Variants in PEX5L observed in about 807,000 individuals in gnomAD.
PEX5L encodes PEX5-related protein.
PEX5L carries 30 observed loss-of-function variants against 84.0 expected under a neutral mutation model. The observed-to-expected ratio is 0.36, with a 90% CI of 0.27 to 0.48. The LOEUF (loss-of-function observed/expected upper bound fraction) is 0.48, where lower values mean the gene tolerates loss of function less well. PEX5L is among the 20% of genes least tolerant of loss of function. The pLI is 0.99. For synonymous variants in PEX5L, 270 were observed against 283.1 expected (o/e 0.95, Z 0.46); for missense variants, 533 against 754.6 (o/e 0.71, Z 3.44).
At chr3:179,938,073 A>T (rs567307033) in intron 2 of PEX5L, among the ~76,000 whole-genome samples, 1 of 152,146 alleles carries the variant, frequency 6.6e-6, no homozygotes, top group African/African-American at 2.4e-5. Flanking sequence ...CCATACAATT[A>T]TGGAACCAGA....
rs542760798 is a variant in PEX5L, at chr3:179,813,752, C to T, written c.1084-1881G>A. On this transcript the variant is annotated intron_variant, in intron 10 of 14. Coordinates refer to ENST00000467460, the MANE Select transcript of PEX5L (RefSeq NM_016559.3). Reference sequence around the variant, plus strand: ...ATTGCAGTGGCGCAATCTCGGCTCACTGCAAGCTCCGCCTCCCGGGTTCAC... The same window carrying T: ...ATTGCAGTGGCGCAATCTCGGCTCATTGCAAGCTCCGCCTCCCGGGTTCAC... Among the ~76,000 whole-genome samples the T allele has an allele frequency of 2.8e-4, 42 of 150,668 alleles. 1 individual carries two copies. In the East Asian group the frequency reaches 8.3e-3, roughly 30 times the overall value.
intron 14 of PEX5L, among the ~76,000 whole-genome samples, chr3:179,803,462 GC>G (rs1371067639): frequency 1.3e-5 from 2 of 152,150 alleles, no homozygotes; most frequent in African/African-American, 4.8e-5. Flanking sequence ...TCTGAGACAA[GC>G]CGAGTTAGAT....
chr3:179,990,557 C>T (rs1465090027), intron 1 of PEX5L, among the ~76,000 whole-genome samples: 2 of 152,112 alleles, frequency 1.3e-5, no homozygotes, highest in South Asian at 2.1e-4. Context: ...CAGCACCACA[C>T]CAAACTATTT....
chr3:180,026,999 G>A (rs1411992827), intron 1 of PEX5L, among the ~76,000 whole-genome samples: 1 of 152,154 alleles, frequency 6.6e-6, no homozygotes, highest in Admixed American at 6.5e-5. Context: ...CCACCAATCA[G>A]CCGTATCTGC....
intron 1 of PEX5L, among the ~76,000 whole-genome samples, chr3:179,989,415 G>A (rs1312773581): frequency 6.6e-6 from 1 of 152,096 alleles, no homozygotes; most frequent in Non-Finnish European, 1.5e-5. Flanking sequence ...CATGACATAT[G>A]TGATAGATAT....
chr3:179,834,433 T>C (rs1290634529), intron 8 of PEX5L, among the ~76,000 whole-genome samples: 3 of 152,138 alleles, frequency 2.0e-5, no homozygotes, highest in East Asian at 1.9e-4. Flanking sequence ...GTGGTAAACA[T>C]CCATCAAGCC....
intron 2 of PEX5L, among the ~76,000 whole-genome samples, chr3:179,964,818 C>T (rs1005442131): frequency 6.6e-6 from 1 of 152,180 alleles, no homozygotes; most frequent in African/African-American, 2.4e-5. Flanking sequence ...CACCTCAGTA[C>T]CTGCCATTTA....
intron 8 of PEX5L, among the ~76,000 whole-genome samples, chr3:179,851,691 C>T (rs1014841548): frequency 1.3e-5 from 2 of 152,158 alleles, no homozygotes; most frequent in Non-Finnish European, 2.9e-5. Context: ...GGTTAGAAAG[C>T]TGCTTTCAAT....
chr3:179,919,863 C>T (rs2109372591), intron 2 of PEX5L, among the ~76,000 whole-genome samples: 1 of 152,136 alleles, frequency 6.6e-6, no homozygotes, highest in South Asian at 2.1e-4. Context: ...CCACCATGCT[C>T]AGCTAATTTT....
intron 2 of PEX5L, among the ~76,000 whole-genome samples, chr3:179,918,742 C>T (rs191412989): frequency 1.3e-5 from 2 of 152,272 alleles, no homozygotes; most frequent in Middle Eastern, 3.4e-3. Flanking sequence ...ATTTCTTCTT[C>T]TTTCTTCTTT....
At chr3:180,014,105 T>C (rs1159473462) in intron 1 of PEX5L, among the ~76,000 whole-genome samples, 2 of 152,212 alleles carry the variant, frequency 1.3e-5, no homozygotes, top group Non-Finnish European at 2.9e-5. Context: ...TGAAAATTAA[T>C]GAAATGTGTT....
chr3:179,799,771 C>T lies in PEX5L; in HGVS notation c.*2057G>A, dbSNP rs1453681184. ...AGCAGGCCCTGCCATGGCTTGGAGG[C>T]TGGCCCCAAGAGTCCTTACCAGACT... On this transcript the variant is annotated 3_prime_UTR_variant, in exon 15 of 15. Transcript: ENST00000467460. The T allele has an allele frequency of 6.6e-6, 1 of 152,220 alleles. No individual in the cohort carries two copies. Among genetic ancestry groups the T allele is most frequent in the Non-Finnish European group, 1.5e-5 (1 of 68,070 alleles). 9.4% of individuals were successfully genotyped at this position (152,220 alleles called of 1,614,324 possible). A position where few individuals can be genotyped will look rare whatever the true frequency, so the allele number is the denominator to read the frequency against.
chr3:180,002,355 G>A (rs1788502411), intron 1 of PEX5L, among the ~76,000 whole-genome samples: 1 of 152,072 alleles, frequency 6.6e-6, no homozygotes, highest in South Asian at 2.1e-4. Flanking sequence ...GCCTTTCTTA[G>A]TTATGCCTTT....
At chr3:179,813,534 T>C (rs547345237) in intron 10 of PEX5L, among the ~76,000 whole-genome samples, 25 of 152,232 alleles carry the variant, frequency 1.6e-4, no homozygotes, top group Non-Finnish European at 2.9e-4. Flanking sequence ...GGTCTTGCTC[T>C]GTCACTGAGG....
intron 1 of PEX5L, among the ~76,000 whole-genome samples, chr3:180,024,593 G>A (rs1790770299): frequency 6.6e-6 from 1 of 151,034 alleles, no homozygotes; most frequent in Non-Finnish European, 1.5e-5. Context: ...TCAGATAGGT[G>A]CACAAAATAG....
At chr3:179,886,645 G>A (rs575957954) in intron 4 of PEX5L, among the ~76,000 whole-genome samples, 6 of 152,242 alleles carry the variant, frequency 3.9e-5, no homozygotes, top group African/African-American at 1.4e-4. Flanking sequence ...TGGAATTCAT[G>A]GAGTTTGAAC....
intron 7 of PEX5L, among the ~76,000 whole-genome samples, chr3:179,864,360 G>A (rs1009751319): frequency 2.6e-5 from 4 of 152,060 alleles, no homozygotes; most frequent in African/African-American, 9.7e-5. Context: ...CCTTATACAA[G>A]AAAGAAAAAC....
intron 1 of PEX5L, among the ~76,000 whole-genome samples, chr3:180,000,876 T>G (rs1403557303): frequency 6.6e-6 from 1 of 152,194 alleles, no homozygotes; most frequent in African/African-American, 2.4e-5. Flanking sequence ...TTGAAGATTA[T>G]GTGTGATCTC....
At chr3:179,850,303 T>A (rs1357103022) in intron 8 of PEX5L, among the ~76,000 whole-genome samples, 2 of 152,058 alleles carry the variant, frequency 1.3e-5, no homozygotes, top group African/African-American at 2.4e-5. Flanking sequence ...ATTTTTGTAC[T>A]TTTAGTAGAG....
Sources: gnomAD v4.1 joint callset for allele counts (sites outside exome capture counted in the v4.1 genomes callset) on GRCh38, gnomAD v4.1.1 for gene constraint, MANE v1.5 for transcripts, NCBI Gene and HGNC (gene_info 2026-07-23, HGNC 2026-07-21) for gene names.